Variants in CGGBP1 observed in about 807,000 individuals in gnomAD.
CGGBP1 encodes the protein CGG triplet repeat binding protein 1.
CGGBP1 carries 4 observed loss-of-function variants against 11.4 expected under a neutral mutation model. The ratio of observed to expected loss-of-function variants is 0.35; its 90% confidence interval spans 0.17 to 0.80. The LOEUF (loss-of-function observed/expected upper bound fraction) is 0.80, where lower values mean the gene tolerates loss of function less well. Ranked by LOEUF, CGGBP1 falls within the 30% of genes least tolerant of loss-of-function variation. CGGBP1 has a pLI of 0.52. For missense variants in CGGBP1, 135 were observed against 202.1 expected (o/e 0.67, Z 2.01); for synonymous variants, 76 against 74.1 (o/e 1.03, Z -0.13).
At chr3:88,109,268 G>A (rs1254097761) in intron 2 of CGGBP1, among the ~76,000 whole-genome samples, 1 of 151,900 alleles carries the variant, frequency 6.6e-6, no homozygotes, top group Non-Finnish European at 1.5e-5. Flanking sequence ...GAATAGTTGA[G>A]TATGTCAACG....
At chr3:88,124,228 A>AC (rs1705950754) in intron 2 of CGGBP1, among the ~76,000 whole-genome samples, 2 of 152,198 alleles carry the variant, frequency 1.3e-5, no homozygotes, top group African/African-American at 4.8e-5. Flanking sequence ...CTTCATCCTC[A>AC]CAACAATCCT....
At chr3:88,144,761 C>T (rs1707276768) in intron 1 of CGGBP1, 2 of 152,142 alleles carry the variant, frequency 1.3e-5, no homozygotes, top group South Asian at 4.1e-4. Flanking sequence ...AAAGGAATGG[C>T]ATATTTCAGT....
intron 2 of CGGBP1, among the ~76,000 whole-genome samples, chr3:88,066,538 G>A (rs541091266): frequency 2.0e-5 from 3 of 152,070 alleles, no homozygotes; most frequent in African/African-American, 7.2e-5. Context: ...CTCCAGCCTG[G>A]CTGACAGAGC....
intron 1 of CGGBP1, among the ~76,000 whole-genome samples, chr3:88,145,779 G>T (rs571219071): frequency 6.6e-6 from 1 of 152,156 alleles, no homozygotes; most frequent in Non-Finnish European, 1.5e-5. Context: ...CTGCACATTG[G>T]GGGGAAGAAA....
At chr3:88,146,007 C>T (rs575357426) in intron 1 of CGGBP1, among the ~76,000 whole-genome samples, 2 of 152,182 alleles carry the variant, frequency 1.3e-5, no homozygotes, top group Non-Finnish European at 2.9e-5. Context: ...ATCTAATAAT[C>T]CACATGGGGT....
intron 2 of CGGBP1, among the ~76,000 whole-genome samples, chr3:88,094,767 A>G (rs1235191560): frequency 1.3e-5 from 2 of 152,122 alleles, no homozygotes. Flanking sequence ...CAGATCATTA[A>G]AAAACTACAG....
intron 1 of CGGBP1, chr3:88,141,674 T>A: frequency 6.7e-7 from 1 of 1,500,442 alleles, no homozygotes; most frequent in Non-Finnish European, 9.0e-7. Context: ...CAGAAAGATC[T>A]GTCAATCAAG....
intron 2 of CGGBP1, among the ~76,000 whole-genome samples, chr3:88,127,465 GA>G (rs1706184994): frequency 6.6e-6 from 1 of 152,052 alleles, no homozygotes; most frequent in African/African-American, 2.4e-5. Context: ...AACTAAAAGG[GA>G]GAGAGTTGTT....
chr3:88,103,374 G>GT (rs1479616101), intron 2 of CGGBP1, among the ~76,000 whole-genome samples: 1 of 152,168 alleles, frequency 6.6e-6, no homozygotes, highest in Non-Finnish European at 1.5e-5. Flanking sequence ...AGATTCTTTA[G>GT]TAGACTTAAT....
chr3:88,059,655 C>G, upstream of CGGBP1: 1 of 1,239,572 alleles, frequency 8.1e-7, no homozygotes. Context: ...CTCCACTTAT[C>G]CGGCTTGGGG....
chr3:88,106,809 T>G (rs574436121), intron 2 of CGGBP1, among the ~76,000 whole-genome samples: 35 of 152,276 alleles, frequency 2.3e-4, no homozygotes, highest in African/African-American at 8.4e-4. Flanking sequence ...ATATGAGGAT[T>G]TTTTTTTCTG....
chr3:88,066,904 T>G (rs1707233281), intron 2 of CGGBP1, among the ~76,000 whole-genome samples: 1 of 152,204 alleles, frequency 6.6e-6, no homozygotes, highest in Non-Finnish European at 1.5e-5. Context: ...AATGACACAT[T>G]AATTGTATAT....
intron 2 of CGGBP1, among the ~76,000 whole-genome samples, chr3:88,079,231 T>C (rs1576221619): frequency 6.6e-6 from 1 of 152,126 alleles, no homozygotes; most frequent in South Asian, 2.1e-4. Flanking sequence ...TGAAGTCTTA[T>C]GTTCCATATT....
At chr3:88,107,432 C>T (rs1704811964) in intron 2 of CGGBP1, among the ~76,000 whole-genome samples, 1 of 152,064 alleles carries the variant, frequency 6.6e-6, no homozygotes. Context: ...ATCCACTGCT[C>T]TTTATTGGTA....
At chr3:88,130,503 A>T (rs988390625) in intron 2 of CGGBP1, among the ~76,000 whole-genome samples, 3 of 152,004 alleles carry the variant, frequency 2.0e-5, no homozygotes, top group Non-Finnish European at 1.5e-5. Flanking sequence ...TCAGGCTAGA[A>T]TACAGTGGTG....
rs143485346 is a variant in CGGBP1, at chr3:88,079,656, T to C, written c.-228-21433A>G. Among the ~76,000 whole-genome samples the C allele has an allele frequency of 2.7e-3, 411 of 152,132 alleles. 2 individuals are homozygous for C. Among genetic ancestry groups the C allele is most frequent in the African/African-American group, 9.0e-3 (373 of 41,548 alleles). ...GGGTATTTTTGCTCTGGTTGGTAGG[T>C]TGGACTAGATAATCTTCAAGATTCC... On this transcript the variant is annotated intron_variant, in intron 2 of 3. Transcript: ENST00000462901.
chr3:88,097,766 G>A (rs1261501946), intron 2 of CGGBP1, among the ~76,000 whole-genome samples: 3 of 152,156 alleles, frequency 2.0e-5, no homozygotes, highest in Middle Eastern at 3.2e-3. Flanking sequence ...CAGAAATAAA[G>A]ATGTTCTTTG....
intron 2 of CGGBP1, among the ~76,000 whole-genome samples, chr3:88,124,221 C>T (rs181906538): frequency 3.9e-5 from 6 of 152,162 alleles, no homozygotes; most frequent in Non-Finnish European, 8.8e-5. Flanking sequence ...ATTATTACTT[C>T]ATCCTCACAA....
At chr3:88,115,408 G>A (rs1705330759) in intron 2 of CGGBP1, among the ~76,000 whole-genome samples, 1 of 152,172 alleles carries the variant, frequency 6.6e-6, no homozygotes, top group Admixed American at 6.6e-5. Flanking sequence ...TATACTTGCT[G>A]CATAGTCACT....
Sources: gnomAD v4.1 joint callset for allele counts (sites outside exome capture counted in the v4.1 genomes callset) on GRCh38, gnomAD v4.1.1 for gene constraint, MANE v1.5 for transcripts, NCBI Gene and HGNC (gene_info 2026-07-23, HGNC 2026-07-21) for gene names.